Variants in ARHGEF1 observed in about 807,000 individuals in gnomAD.
The protein encoded by ARHGEF1 is 115 kDa guanine nucleotide exchange factor.
ARHGEF1 carries 40 observed loss-of-function variants against 119.7 expected under a neutral mutation model. That is an observed-to-expected ratio of 0.33 (90% CI 0.26 to 0.44). The LOEUF is 0.44. ARHGEF1 is among the 20% of genes least tolerant of loss of function. The pLI, the probability that ARHGEF1 is intolerant of heterozygous loss-of-function variation, is 1.00. For missense variants in ARHGEF1, 976 were observed against 1,268.3 expected (o/e 0.77, Z 3.50); for synonymous variants, 494 against 521.0 (o/e 0.95, Z 0.71).
intron 2 of ARHGEF1, among the ~76,000 whole-genome samples, chr19:41,929,300 C>T (rs1555853652): frequency 1.3e-5 from 2 of 152,082 alleles, no homozygotes; most frequent in Admixed American, 1.3e-4. Context: ...GACACACAAG[C>T]CCTCACTAAC....
At chr19:41,926,833 TG>T (rs1194605948) in intron 1 of ARHGEF1, among the ~76,000 whole-genome samples, 1 of 152,142 alleles carries the variant, frequency 6.6e-6, no homozygotes, top group Non-Finnish European at 1.5e-5. Context: ...AATTCGATCC[TG>T]GGCCTGGAAT....
chr19:41,903,254 C>T lies in ARHGEF1; in HGVS notation c.1739-53C>T. 1 of 1,555,884 alleles carries T rather than the reference C, an allele frequency of 6.4e-7. No homozygotes were observed. ...CTTTGTCTAACCTTGGCTGCCCAATCTGGAGCCTCCAGGGCAGGGGTTCAC... is the reference window on the plus strand; with the variant it reads ...CTTTGTCTAACCTTGGCTGCCCAATTTGGAGCCTCCAGGGCAGGGGTTCAC... On this transcript the variant is annotated intron_variant, in intron 18 of 28. Coordinates refer to ENST00000354532, the MANE Select transcript of ARHGEF1 (RefSeq NM_004706.4). The surrounding 1 kb of genome is among the most constrained non-coding windows in gnomAD (Gnocchi z 4.2).
rs1036168085 is a variant in ARHGEF1, at chr19:41,912,988, G to A, written c.1865+6185G>A. 70 of 829,874 alleles carry A rather than the reference G, an allele frequency of 8.4e-5. 1 individual carries two copies. The Middle Eastern group carries it at 1.2e-3, about 14-fold the overall frequency. 51.4% of individuals were successfully genotyped at this position (829,874 alleles called of 1,614,324 possible). The stretch of plus-strand genomic sequence containing the variant: ...GGGGTGGGCAGGAGAGACAGACACA[G>A]GTCAGCCAGCGGGGCGCTGCCCGGG... On this transcript the variant is annotated intron_variant, in intron 18 of 20. Transcript: ENST00000599589.
chr19:41,909,438 G>A (rs2074740498), downstream of ARHGEF1: 8 of 1,237,976 alleles, frequency 6.5e-6, no homozygotes, highest in Non-Finnish European at 7.1e-6. This position sits in a 1 kb window ranked among gnomAD's most constrained non-coding sequence, Gnocchi z 5.2. Flanking sequence ...TCTTCCCTTT[G>A]GTCTTGTGGA....
Position 41,904,693 on chromosome 19 carries a change from G to A in ARHGEF1, c.2162-256G>A, listed in dbSNP as rs1032592420. On this transcript the variant is annotated intron_variant, in intron 22 of 28. Transcript: ENST00000354532. The surrounding 1 kb of genome is among the most constrained non-coding windows in gnomAD (Gnocchi z 8.4). ...CACCAGGGCCACAAACACTGGAAGCGGCTGGAGGGTGGGAGTGGCTGGAGG... is the reference window on the plus strand; with the variant it reads ...CACCAGGGCCACAAACACTGGAAGCAGCTGGAGGGTGGGAGTGGCTGGAGG... Among the ~76,000 whole-genome samples the A allele has an allele frequency of 5.3e-5, 8 of 152,146 alleles. No homozygotes were observed. The highest frequency in any genetic ancestry group is 1.3e-4 in the Admixed American group (2 of 15,278).
chr19:41,897,449 C>A, intron 13 of ARHGEF1: 1 of 647,058 alleles, frequency 1.5e-6, no homozygotes, highest in East Asian at 9.7e-5. Context: ...GGGGACATCA[C>A]CCTCCCAGTT....
At position 41,902,184 on chromosome 19, in the gene ARHGEF1, C is replaced by T; in HGVS notation, c.1415-90C>T. ...GTCCCGAGGATCAGACACAGACACA[C>T]CTGCAGCCCTACCCCCACCACACCG... On this transcript the variant is annotated intron_variant, in intron 15 of 28. Transcript: ENST00000354532. This position sits in a 1 kb window ranked among gnomAD's most constrained non-coding sequence, Gnocchi z 6.5. The T allele has an allele frequency of 1.9e-6, 3 of 1,567,464 alleles. No homozygotes were observed. In the South Asian group the frequency reaches 3.4e-5, roughly 18 times the overall value.
At position 41,903,811 on chromosome 19, in the gene ARHGEF1, C is replaced by A; in HGVS notation, c.1917+27C>A. On this transcript the variant is annotated intron_variant, in intron 20 of 28. Transcript: ENST00000354532. This position sits in a 1 kb window ranked among gnomAD's most constrained non-coding sequence, Gnocchi z 4.2. Reference sequence around the variant, plus strand: ...TGTGACCATACCCTCCTGCCTCCCCCGCCCCCCTACTCCTTGGCCCAGGGG... The same window carrying A: ...TGTGACCATACCCTCCTGCCTCCCCAGCCCCCCTACTCCTTGGCCCAGGGG... The A allele has an allele frequency of 6.2e-7, 1 of 1,608,198 alleles. No individual in the cohort carries two copies. Among genetic ancestry groups the A allele is most frequent in the Middle Eastern group, 1.7e-4 (1 of 6,052 alleles).
rs781919682 is a variant in ARHGEF1, at chr19:41,892,817, G to A, written c.582G>A (p.Ala194=). ...ASYEARERHV[A]ERLLMHLEEM... is the part of the protein sequence containing the mutation. ...ACGAGGCCCGGGAGCGGCACGTGGC[G>A]GAGCGGCTGCTCATGCACCTGGAGG... Residue 194 remains alanine (A), a synonymous_variant, in exon 7 of 29, where the codon GCG becomes GCA. Coordinates refer to ENST00000354532, the MANE Select transcript of ARHGEF1 (RefSeq NM_004706.4). The surrounding 1 kb of genome is among the most constrained non-coding windows in gnomAD (Gnocchi z 6.3). The A allele has an allele frequency of 2.3e-5, 37 of 1,578,786 alleles. No individual in the cohort carries two copies. In the South Asian group the frequency reaches 2.4e-4, roughly 10 times the overall value.
Position 41,902,051 on chromosome 19 carries a change from G to T in ARHGEF1, c.1414+18G>T. On this transcript the variant is annotated intron_variant, in intron 15 of 28. Transcript: ENST00000354532. This position sits in a 1 kb window ranked among gnomAD's most constrained non-coding sequence, Gnocchi z 6.5. Reference sequence around the variant, plus strand: ...GGTGCATTGTGAGTGCAGAGCCAGGGTCCCTCTGTGTACCCCACTGCCCCA... The same window carrying T: ...GGTGCATTGTGAGTGCAGAGCCAGGTTCCCTCTGTGTACCCCACTGCCCCA... 6.2e-7 allele frequency: 1 copy of T among 1,607,776 alleles called. No homozygotes were observed. The highest frequency in any genetic ancestry group is 8.5e-7 in the Non-Finnish European group (1 of 1,175,650).
Position 41,888,359 on chromosome 19 carries a change from C to T in ARHGEF1, c.111+81C>T. The T allele has an allele frequency of 7.2e-7, 1 of 1,391,746 alleles. No homozygotes were observed. Among genetic ancestry groups the T allele is most frequent in the Non-Finnish European group, 1.0e-6 (1 of 996,760 alleles). The allele number at this position is 1,391,746 out of a possible 1,614,324, so 86.2% of individuals were successfully genotyped here. ...GTCCCCTCCCACCTGCAGATGCTGT[C>T]TTCTTGGCCTTTTCCCACGGTCTGT... is the stretch of plus-strand genomic sequence containing the variant. On this transcript the variant is annotated intron_variant, in intron 3 of 28. Transcript: ENST00000354532. The surrounding 1 kb of genome is among the most constrained non-coding windows in gnomAD (Gnocchi z 5.1).
At chr19:41,915,879 G>A (rs1267682830) in intron 18 of ARHGEF1, among the ~76,000 whole-genome samples, 1 of 152,134 alleles carries the variant, frequency 6.6e-6, no homozygotes, top group Non-Finnish European at 1.5e-5. Context: ...CGGACAGATG[G>A]ACAAACGGCC....
chr19:41,909,804 CCAGAG>C (rs1241937376), downstream of ARHGEF1: 1 of 1,504,020 alleles, frequency 6.6e-7, no homozygotes, highest in Non-Finnish European at 8.9e-7. The surrounding 1 kb of genome is among the most constrained non-coding windows in gnomAD (Gnocchi z 5.2). Flanking sequence ...AGAGGGGGCA[CCAGAG>C]GGACAGTTGG....
At position 41,906,910 on chromosome 19, in the gene ARHGEF1, GA is replaced by G. The variant is rs2074708904; in HGVS notation, c.*17+109del. ...GTCCATCTCCCTCTTTGTCTTTTCT[GA>G]ATCTCCCCACTCCACCTCGTGTTTC... On this transcript the variant is annotated intron_variant, in intron 28 of 28. Coordinates refer to ENST00000354532, the MANE Select transcript of ARHGEF1 (RefSeq NM_004706.4). This position sits in a 1 kb window ranked among gnomAD's most constrained non-coding sequence, Gnocchi z 4.5. 1 of 1,006,494 alleles carries G rather than the reference GA, an allele frequency of 9.9e-7. No homozygotes were observed. The highest frequency in any genetic ancestry group is 1.6e-5 in the African/African-American group (1 of 61,098). The allele number at this position is 1,006,494 out of a possible 1,614,324, so 62.3% of individuals were successfully genotyped here. A position where few individuals can be genotyped will look rare whatever the true frequency, so the allele number is the denominator to read the frequency against.
Position 41,903,341 on chromosome 19 carries a change from A to C in ARHGEF1, c.1773A>C (p.Ala591=), listed in dbSNP as rs201193337. ...CAGAACGGGAGAAAGTGGAGCTGGCAGCCGAGTGCTGCCGGGAAATTCTAC... is the reference window on the plus strand; with the variant it reads ...CAGAACGGGAGAAAGTGGAGCTGGCCGCCGAGTGCTGCCGGGAAATTCTAC... The part of the protein sequence containing the change: ...EPTEREKVEL[A]AECCREILHH... Residue 591 remains alanine (A), a synonymous_variant, in exon 19 of 29, where the codon GCA becomes GCC. Coordinates refer to ENST00000354532, the MANE Select transcript of ARHGEF1 (RefSeq NM_004706.4). The surrounding 1 kb of genome is among the most constrained non-coding windows in gnomAD (Gnocchi z 4.2). The C allele has an allele frequency of 3.1e-6, 5 of 1,613,966 alleles. No homozygotes were observed. The Admixed American group carries it at 6.7e-5, about 22-fold the overall frequency.
intron 7 of ARHGEF1, 60 bp from the exon 8 acceptor site, chr19:41,893,214 G>T (rs782798379): frequency 6.2e-6 from 10 of 1,607,752 alleles, no homozygotes; most frequent in Non-Finnish European, 8.5e-6. Flanking sequence ...GATGTATCCT[G>T]GGTGGATGGG....
In ARHGEF1 at chr19:41,888,745, C is replaced by T. The variant is rs1555845702; in HGVS notation, c.112-7C>T. ...CCCATTGTACTCACCCCTTCCTGCA[C>T]CCCCAGAACTCAGAAGAGCAAAACA... is the stretch of plus-strand genomic sequence containing the variant. On this transcript the variant is annotated splice_polypyrimidine_tract_variant and splice_region_variant and intron_variant, in intron 3 of 28. Transcript: ENST00000354532. The surrounding 1 kb of genome is among the most constrained non-coding windows in gnomAD (Gnocchi z 5.1). 2 of 1,613,610 alleles carry T rather than the reference C, an allele frequency of 1.2e-6. No individual in the cohort carries two copies. The highest frequency in any genetic ancestry group is 2.7e-5 in the African/African-American group (2 of 74,924).
At position 41,883,650 on chromosome 19, in the gene ARHGEF1, T is replaced by C. The variant is rs1357900566; in HGVS notation, c.-20+361T>C. On this transcript the variant is annotated intron_variant, in intron 1 of 28. Coordinates refer to ENST00000354532, the MANE Select transcript of ARHGEF1 (RefSeq NM_004706.4). The surrounding 1 kb of genome is among the most constrained non-coding windows in gnomAD (Gnocchi z 7.6). Reference sequence around the variant, plus strand: ...CGCACATCGTGAGAAAGTGTGGAGTTGGGATTTGAACTCGCACGTGCTTTC... The same window carrying C: ...CGCACATCGTGAGAAAGTGTGGAGTCGGGATTTGAACTCGCACGTGCTTTC... Among the ~76,000 whole-genome samples the C allele has an allele frequency of 6.6e-6, 1 of 151,954 alleles. No individual in the cohort carries two copies. Among genetic ancestry groups the C allele is most frequent in the Non-Finnish European group, 1.5e-5 (1 of 67,990 alleles).
Position 41,888,242 on chromosome 19 carries a change from G to A in ARHGEF1, c.75G>A (p.Gly25=). ...RPGLVPVSII[G]AEDEDFENEL... Reference sequence around the variant, plus strand: ...GCCTGGTTCCCGTCAGCATCATCGGGGCTGAGGATGAGGATTTTGAGAACG... The same window carrying A: ...GCCTGGTTCCCGTCAGCATCATCGGAGCTGAGGATGAGGATTTTGAGAACG... The change falls in exon 3 of 29, where the codon GGG becomes GGA. Residue 25 remains glycine, a synonymous_variant. Coordinates refer to ENST00000354532, the MANE Select transcript of ARHGEF1 (RefSeq NM_004706.4). The surrounding 1 kb of genome is among the most constrained non-coding windows in gnomAD (Gnocchi z 5.1). 2 of 1,613,988 alleles carry A rather than the reference G, an allele frequency of 1.2e-6. No individual in the cohort carries two copies. Among genetic ancestry groups the A allele is most frequent in the Admixed American group, 1.7e-5 (1 of 60,006 alleles).
Sources: allele counts gnomAD v4.1 joint callset (sites outside exome capture counted in the v4.1 genomes callset), GRCh38; gene constraint gnomAD v4.1.1; non-coding constraint Gnocchi (gnomAD v3.1); transcripts MANE v1.5; gene names NCBI Gene and HGNC (gene_info 2026-07-23, HGNC 2026-07-21).